Variants in RIOK1 observed in about 807,000 individuals in gnomAD.
RIOK1 encodes RIO kinase 1, also known as serine/threonine-protein kinase RIO1.
A neutral mutation model predicts 73.5 loss-of-function variants in RIOK1; 66 were observed. The ratio of observed to expected loss-of-function variants is 0.90; its 90% CI spans 0.74 to 1.10. RIOK1 has a LOEUF of 1.10. Among genes scored for constraint, RIOK1 ranks in the 50% least tolerant of loss-of-function variants. RIOK1 has a pLI of 0.00. For missense variants in RIOK1, 658 were observed against 699.8 expected (o/e 0.94, Z 0.67); for synonymous variants, 224 against 226.8 (o/e 0.99, Z 0.11).
chr6:7,402,687 C>A lies in RIOK1; in HGVS notation c.658C>A (p.Arg220=). Residue 220 remains arginine, a synonymous_variant, in exon 7 of 17, where the codon CGG becomes AGG. Coordinates refer to ENST00000379834, the MANE Select transcript of RIOK1 (RefSeq NM_031480.3). ...YKTSILVFKD[R]DKYVSGEFRF... is the part of the protein sequence containing the mutation. ...AACTTCTATTTTGGTGTTCAAAGAT[C>A]GGGATAAATATGTAAGTGGAGAATT... 3 of 1,611,152 alleles carry A rather than the reference C, an allele frequency of 1.9e-6. No individual in the cohort carries two copies. Among genetic ancestry groups the A allele is most frequent in the South Asian group, 1.1e-5 (1 of 90,628 alleles).
At chr6:7,395,896 C>T (rs1012155312) in intron 3 of RIOK1, among the ~76,000 whole-genome samples, 4 of 151,970 alleles carry the variant, frequency 2.6e-5, no homozygotes, top group Admixed American at 6.6e-5. Context: ...TCTGTAGAGA[C>T]GGGGTTTCTC....
intron 10 of RIOK1, 137 bp downstream of exon 10, chr6:7,404,692 T>G (rs1761700255): frequency 1.4e-5 from 16 of 1,157,760 alleles, no homozygotes; most frequent in Non-Finnish European, 2.0e-5. Context: ...TAAGATAGGA[T>G]TCCTTTTTTC....
intron 1 of RIOK1, among the ~76,000 whole-genome samples, chr6:7,391,205 T>C (rs1448906823): frequency 7.2e-5 from 11 of 152,222 alleles, no homozygotes. Flanking sequence ...AATATATGTA[T>C]GTTGAATGCT....
At chr6:7,392,749 C>T (rs1019330185) in intron 1 of RIOK1, 1 of 160,096 alleles carries the variant, frequency 6.2e-6, no homozygotes, top group African/African-American at 2.4e-5. Flanking sequence ...TAAAGCAGCT[C>T]TGCGAATGAT....
intron 15 of RIOK1, 27 bp from the exon 16 acceptor site, chr6:7,414,211 A>G (rs1317856971): frequency 6.3e-7 from 1 of 1,590,108 alleles, no homozygotes; most frequent in African/African-American, 1.4e-5. Flanking sequence ...GTTGTTTAGA[A>G]TAACATGGTT....
At chr6:7,414,120 G>A (rs1761946109) in intron 15 of RIOK1, 118 bp from the exon 16 acceptor site, 1 of 880,874 alleles carries the variant, frequency 1.1e-6, no homozygotes, top group Non-Finnish European at 1.7e-6. Flanking sequence ...CAGGATGTTA[G>A]TTTTTAACAT....
At position 7,412,033 on chromosome 6, in the gene RIOK1, A is replaced by G. The variant is rs141305886; in HGVS notation, c.1389+582A>G. Among the ~76,000 whole-genome samples the G allele has an allele frequency of 3.5e-3, 540 of 152,338 alleles. 4 individuals carry two copies. The highest frequency in any genetic ancestry group is 0.012 in the African/African-American group (504 of 41,572). On this transcript the variant is annotated intron_variant, in intron 14 of 16. Coordinates refer to ENST00000379834, the MANE Select transcript of RIOK1 (RefSeq NM_031480.3). ...TTGGGGCTCAAAGTTTGTGTTTGCT[A>G]TCTTCAAATTGATTGCAAATGTTTA...
chr6:7,412,821 CA>C (rs1165971396), intron 14 of RIOK1, 67 bp from the exon 15 acceptor site: 1 of 724,020 alleles, frequency 1.4e-6, no homozygotes, highest in Non-Finnish European at 2.2e-6. Context: ...CTTAATAGTG[CA>C]ATATGCATAT....
chr6:7,390,484 G>T (rs1376416240), intron 1 of RIOK1, among the ~76,000 whole-genome samples: 1 of 152,226 alleles, frequency 6.6e-6, no homozygotes, highest in Non-Finnish European at 1.5e-5. Flanking sequence ...TACCTTCTAC[G>T]TGAAAGAGAG....
chr6:7,404,663 T>C, intron 10 of RIOK1, 108 bp downstream of exon 10: 1 of 1,323,828 alleles, frequency 7.6e-7, no homozygotes, highest in Non-Finnish European at 1.1e-6. Flanking sequence ...GAAGTTTTAT[T>C]GTTGACTTCC....
rs149679825 is a variant in RIOK1 at position 7,403,006 on chromosome 6, G to A, written c.767+109G>A. ...TCTGCCCAAATGTAGGGACTTGTTA[G>A]GGCCTTTATTTCTATTAGGTCTGCT... is the stretch of plus-strand genomic sequence containing the variant. On this transcript the variant is annotated intron_variant, in intron 8 of 16. Coordinates refer to ENST00000379834, the MANE Select transcript of RIOK1 (RefSeq NM_031480.3). 7,145 of 857,080 alleles carry A rather than the reference G, an allele frequency of 8.3e-3. 51 individuals carry two copies. The highest frequency in any genetic ancestry group is 0.011 in the Non-Finnish European group (6,152 of 553,770). The allele number at this position is 857,080 out of a possible 1,614,324, so 53.1% of individuals were successfully genotyped here.
chr6:7,411,949 A>G (rs1015557843), intron 14 of RIOK1, among the ~76,000 whole-genome samples: 12 of 152,258 alleles, frequency 7.9e-5, no homozygotes, highest in Non-Finnish European at 1.6e-4. Flanking sequence ...TTTGTGTAAT[A>G]CAAGTATACT....
chr6:7,390,131 T>A, intron 1 of RIOK1, 58 bp downstream of exon 1: 1 of 1,441,842 alleles, frequency 6.9e-7, no homozygotes, highest in Non-Finnish European at 9.5e-7. Flanking sequence ...ACCGCCCCCT[T>A]GGGGTGTGGA....
At chr6:7,406,447 C>T (rs910996662) in intron 12 of RIOK1, among the ~76,000 whole-genome samples, 1 of 152,182 alleles carries the variant, frequency 6.6e-6, no homozygotes, top group African/African-American at 2.4e-5. Flanking sequence ...ATCTCCACAC[C>T]TGTTACATCA....
At chr6:7,406,884 A>G (rs535028973) in intron 12 of RIOK1, among the ~76,000 whole-genome samples, 50 of 151,694 alleles carry the variant, frequency 3.3e-4, no homozygotes, top group Non-Finnish European at 6.5e-4. Context: ...CTGGTCTCCA[A>G]CTCCTGGCCT....
chr6:7,390,402 T>C (rs998093949), intron 1 of RIOK1, among the ~76,000 whole-genome samples: 5 of 152,172 alleles, frequency 3.3e-5, no homozygotes, highest in African/African-American at 9.7e-5. Flanking sequence ...ACTAAGCACT[T>C]AATATGTACC....
intron 14 of RIOK1, 135 bp from the exon 15 acceptor site, chr6:7,412,754 G>A: frequency 2.4e-6 from 1 of 422,718 alleles, no homozygotes; most frequent in Admixed American, 4.5e-5. Flanking sequence ...GTTACAGTGA[G>A]ATTAATTTTA....
At position 7,405,015 on chromosome 6, in the gene RIOK1, G is replaced by A. The variant is rs946690175; in HGVS notation, c.1090G>A (p.Val364Ile). 7.4e-6 allele frequency: 12 copies of A among 1,613,246 alleles called. No individual in the cohort carries two copies. Among genetic ancestry groups the A allele is most frequent in the African/African-American group, 5.3e-5 (4 of 74,924 alleles). ...GTTCTTGAGAAAGGATTGCGCCAAC[G>A]TCAATGGTGAGTAGAAACGGCAATT... ...LEFLRKDCAN[V>I]NDFFMRHSVA... Residue 364 changes from valine (V) to isoleucine (I), a missense_variant, in exon 11 of 17, where the codon GTC (valine) becomes ATC (isoleucine). Physicochemically the swap from Val to Ile is conservative, Grantham distance 29. Coordinates refer to ENST00000379834, the MANE Select transcript of RIOK1 (RefSeq NM_031480.3).
chr6:7,408,419 C>A (rs536978969), intron 12 of RIOK1, among the ~76,000 whole-genome samples: 1 of 151,332 alleles, frequency 6.6e-6, no homozygotes, highest in East Asian at 1.9e-4. Flanking sequence ...CTCAACTTTG[C>A]TCCGCCTGGT....
Sources: allele counts gnomAD v4.1 joint callset (sites outside exome capture counted in the v4.1 genomes callset), GRCh38; gene constraint gnomAD v4.1.1; transcripts MANE v1.5; gene names NCBI Gene and HGNC (gene_info 2026-07-23, HGNC 2026-07-21).